Variants in STIL observed in about 807,000 individuals in gnomAD.
STIL encodes STIL centriolar assembly protein.
In STIL, 55 loss-of-function variants were observed where a neutral mutation model predicts 110.1. That is an observed-to-expected ratio of 0.50 (90% CI 0.40 to 0.63). The LOEUF (loss-of-function observed/expected upper bound fraction) is 0.63. Among genes scored for constraint, STIL ranks in the 20% least tolerant of loss-of-function variants. The pLI is 0.00. For synonymous variants in STIL, 481 were observed against 530.0 expected, an observed-to-expected ratio of 0.91 and a Z score of 1.27; for missense variants, 1,358 against 1,530.0, an observed-to-expected ratio of 0.89 and a Z score of 1.87.
chr1:47,287,519 A>C (rs201041167), intron 10 of STIL, 32 bp downstream of exon 10: 37 of 1,400,654 alleles, frequency 2.6e-5, no homozygotes, highest in South Asian at 1.3e-4. Context: ...TTTTTAAAAA[A>C]ACACACACAT....
At chr1:47,312,307 G>A (rs1004018743) in intron 1 of STIL, among the ~76,000 whole-genome samples, 5 of 152,004 alleles carry the variant, frequency 3.3e-5, no homozygotes, top group East Asian at 1.9e-4. Context: ...TGGCTAACAC[G>A]ATGAAACCCC....
intron 2 of STIL, among the ~76,000 whole-genome samples, chr1:47,308,572 T>A (rs1439647978): frequency 2.0e-5 from 3 of 151,406 alleles, no homozygotes; most frequent in Non-Finnish European, 4.4e-5. Flanking sequence ...ACAATGGAAC[T>A]CATGGACACA....
chr1:47,258,678 G>A (rs1644390805), intron 16 of STIL, among the ~76,000 whole-genome samples: 1 of 152,104 alleles, frequency 6.6e-6, no homozygotes, highest in Non-Finnish European at 1.5e-5. Context: ...TCTGAGACCA[G>A]ACTGGGCAAC....
intron 3 of STIL, among the ~76,000 whole-genome samples, chr1:47,304,673 T>A (rs1188080313): frequency 6.6e-6 from 1 of 152,110 alleles, no homozygotes; most frequent in Non-Finnish European, 1.5e-5. Context: ...TCCTACAATA[T>A]GCAGAATTTG....
Position 47,299,922 on chromosome 1 carries a change from T to A in STIL, c.684A>T (p.Gln228His), listed in dbSNP as rs145383640. The A allele has an allele frequency of 1.2e-6, 2 of 1,613,932 alleles. No homozygotes were observed. The highest frequency in any genetic ancestry group is 2.7e-5 in the African/African-American group (2 of 75,054). Residue 228 changes from glutamine to histidine, a missense_variant, in exon 6 of 17, where the codon CAA becomes CAT. By Grantham distance (24) the Gln-to-His change is conservative. Transcript: ENST00000371877. ...LSSNLNISQV[Q>H]GTYKYGYLTM... is the part of the protein sequence containing the mutation. ...TTACTTACCCATATTTATAAGTCCC[T>A]TGAACTTGAGAAATATTCAGATTAC...
chr1:47,265,260 A>AAAAAAAAAAAAAAAAAAAAAAAAC (rs1553170532), intron 14 of STIL, among the ~76,000 whole-genome samples: 10 of 148,420 alleles, frequency 6.7e-5, no homozygotes, highest in Non-Finnish European at 1.2e-4. Context: ...AAAAAAAAAA[A>AAAAAAAAAAAAAAAAAAAAAAAAC]CACAAGATTG....
At chr1:47,287,784 C>A (rs1645348481) in intron 9 of STIL, 124 bp from the exon 10 acceptor site, 1 of 766,348 alleles carries the variant, frequency 1.3e-6, no homozygotes, top group Non-Finnish European at 2.2e-6. Flanking sequence ...TTTCTGTAAC[C>A]CTCTTTTGTA....
At chr1:47,302,181 A>G in intron 4 of STIL, 53 bp downstream of exon 4, 1 of 1,350,062 alleles carries the variant, frequency 7.4e-7, no homozygotes, top group East Asian at 2.3e-5. Context: ...CCAGCCTCCC[A>G]ACGTGCTGGG....
At chr1:47,276,199 A>C (rs1242453603) in intron 12 of STIL, among the ~76,000 whole-genome samples, 2 of 151,652 alleles carry the variant, frequency 1.3e-5, no homozygotes, top group African/African-American at 4.8e-5. Flanking sequence ...ACGGGATTTC[A>C]CCATGTTGGC....
At chr1:47,274,668 T>C (rs1644936059) in intron 12 of STIL, among the ~76,000 whole-genome samples, 1 of 150,486 alleles carries the variant, frequency 6.6e-6, no homozygotes, top group African/African-American at 2.5e-5. Context: ...TGTTATTTTT[T>C]AAAGTTCCTC....
At chr1:47,277,331 G>C (rs1645022487) in intron 12 of STIL, among the ~76,000 whole-genome samples, 1 of 152,182 alleles carries the variant, frequency 6.6e-6, no homozygotes, top group Non-Finnish European at 1.5e-5. Context: ...TGAGTTTGCA[G>C]AGAAAGACAA....
intron 16 of STIL, 115 bp downstream of exon 16, chr1:47,260,174 A>C (rs1644441986): frequency 9.2e-7 from 1 of 1,086,118 alleles, no homozygotes; most frequent in Non-Finnish European, 1.3e-6. Context: ...TTTTCTGATG[A>C]GATTGCCACA....
At chr1:47,266,198 T>C (rs1644649590) in intron 14 of STIL, among the ~76,000 whole-genome samples, 2 of 152,210 alleles carry the variant, frequency 1.3e-5, no homozygotes. Flanking sequence ...TTAAAACATA[T>C]ACTATACTAA....
At chr1:47,279,245 T>G (rs189067492) in intron 12 of STIL, among the ~76,000 whole-genome samples, 2 of 144,560 alleles carry the variant, frequency 1.4e-5, no homozygotes, top group African/African-American at 5.2e-5. Flanking sequence ...ATCGTGGCAC[T>G]GCACTCCAGC....
chr1:47,300,046 T>A lies in STIL; in HGVS notation c.560A>T (p.Asp187Val). The A allele has an allele frequency of 6.2e-7, 1 of 1,614,132 alleles. No individual in the cohort carries two copies. Among genetic ancestry groups the A allele is most frequent in the Non-Finnish European group, 8.5e-7 (1 of 1,180,018 alleles). ...SRESLDSVEF[D>V]LHWAAVTLAN... is the part of the protein sequence containing the mutation. ...TAGAGTTACTGCTGCCCAATGCAAGTCAAATTCCACACTGTCCAAACTCTC... is the reference window on the plus strand; with the variant it reads ...TAGAGTTACTGCTGCCCAATGCAAGACAAATTCCACACTGTCCAAACTCTC... Residue 187 changes from aspartate (D) to valine (V), a missense_variant, in exon 6 of 17, where the codon GAC becomes GTC. By Grantham distance (152) the Asp-to-Val change is radical. Coordinates refer to ENST00000371877, the MANE Select transcript of STIL (RefSeq NM_001048166.1).
intron 13 of STIL, among the ~76,000 whole-genome samples, chr1:47,271,327 C>T (rs906303189): frequency 6.6e-6 from 1 of 151,784 alleles, no homozygotes; most frequent in Non-Finnish European, 1.5e-5. Context: ...CAATCCCAGC[C>T]CTTTGGGAGG....
Position 47,280,947 on chromosome 1 carries a change from T to A in STIL, c.1511A>T (p.Lys504Ile). The A allele has an allele frequency of 7.4e-6, 12 of 1,614,064 alleles. No individual in the cohort carries two copies. The highest frequency in any genetic ancestry group is 1.0e-5 in the Non-Finnish European group (12 of 1,179,998). The change falls in exon 12 of 17, where the codon AAA (lysine) becomes ATA (isoleucine). Residue 504 changes from lysine to isoleucine, a missense_variant. Physicochemically the swap from Lys to Ile is moderately radical, Grantham distance 102. Coordinates refer to ENST00000371877, the MANE Select transcript of STIL (RefSeq NM_001048166.1). ...QDKPALLRHCKVRQPPAYKKG... is the reference protein window; with the variant it reads ...QDKPALLRHCIVRQPPAYKKG... ...CTTATAGGCAGGTGGCTGTCTTACT[T>A]TGCAGTGTCTCAAAAGAGCTGGTTT...
intron 16 of STIL, among the ~76,000 whole-genome samples, chr1:47,257,758 G>A (rs1379017497): frequency 6.6e-6 from 1 of 151,946 alleles, no homozygotes; most frequent in African/African-American, 2.4e-5. Context: ...CCATTTCATA[G>A]CAGGCATAAA....
At chr1:47,272,684 A>C (rs1644877076) in intron 12 of STIL, among the ~76,000 whole-genome samples, 1 of 152,136 alleles carries the variant, frequency 6.6e-6, no homozygotes, top group South Asian at 2.1e-4. Context: ...TCCTGGGCTC[A>C]AGCAATCTGC....
Sources: gnomAD v4.1 joint callset for allele counts (sites outside exome capture counted in the v4.1 genomes callset) on GRCh38, gnomAD v4.1.1 for gene constraint, MANE v1.5 for transcripts, NCBI Gene and HGNC (gene_info 2026-07-23, HGNC 2026-07-21) for gene names.